PCDH15: variants seen among roughly 807,000 people sequenced by gnomAD.
PCDH15 encodes the protein protocadherin related 15.
Under a neutral mutation model 178.5 loss-of-function variants are expected in PCDH15, and 129 were observed. That is an observed-to-expected ratio of 0.72 (90% CI 0.63 to 0.84). The LOEUF (loss-of-function observed/expected upper bound fraction) is 0.84, where lower values mean the gene tolerates loss of function less well. PCDH15 is among the 40% of genes least tolerant of loss of function. The pLI is 0.00. For synonymous variants in PCDH15, 800 were observed against 732.0 expected, an observed-to-expected ratio of 1.09 and a Z score of -1.50; for missense variants, 2,230 against 2,099.9, an observed-to-expected ratio of 1.06 and a Z score of -1.21.
chr10:54,288,004 T>C (rs528936795), intron 8 of PCDH15, among the ~76,000 whole-genome samples: 2 of 152,048 alleles, frequency 1.3e-5, no homozygotes, highest in Non-Finnish European at 2.9e-5. Flanking sequence ...CCTTTTGGAA[T>C]AGTTGATGAT....
chr10:55,332,139 T>C (rs1844218762), intron 2 of PCDH15, among the ~76,000 whole-genome samples: 1 of 152,170 alleles, frequency 6.6e-6, no homozygotes, highest in South Asian at 2.1e-4. Flanking sequence ...GGATACTTGT[T>C]TCTCTTATTC....
At chr10:54,117,118 G>T (rs540590051) in intron 15 of PCDH15, among the ~76,000 whole-genome samples, 101 of 152,232 alleles carry the variant, frequency 6.6e-4, no homozygotes, top group African/African-American at 2.3e-3. Flanking sequence ...AGCTGTGCTC[G>T]GTTTGTGCTA....
intron 2 of PCDH15, among the ~76,000 whole-genome samples, chr10:54,586,747 T>C (rs2091495262): frequency 6.6e-6 from 1 of 152,034 alleles, no homozygotes; most frequent in African/African-American, 2.4e-5. Flanking sequence ...TCCCACCTCA[T>C]CCTTCTAAAG....
intron 2 of PCDH15, among the ~76,000 whole-genome samples, chr10:55,616,107 C>A (rs1843468235): frequency 6.6e-6 from 1 of 152,120 alleles, no homozygotes; most frequent in African/African-American, 2.4e-5. Flanking sequence ...TACCATGCAG[C>A]AAAGTTGCTC....
intron 1 of PCDH15, among the ~76,000 whole-genome samples, chr10:54,787,293 A>AAATC (rs1950974439): frequency 6.6e-6 from 1 of 151,994 alleles, no homozygotes; most frequent in Non-Finnish European, 1.5e-5. Context: ...ATTTTTACAA[A>AAATC]AATCATCTTA....
At chr10:54,722,997 G>C (rs55751335) in intron 1 of PCDH15, among the ~76,000 whole-genome samples, 4 of 151,096 alleles carry the variant, frequency 2.6e-5, no homozygotes, top group African/African-American at 7.3e-5. Flanking sequence ...TCAATGCAAT[G>C]CCTATCAATT....
intron 2 of PCDH15, among the ~76,000 whole-genome samples, chr10:54,602,492 T>C (rs1811775345): frequency 6.6e-6 from 1 of 151,972 alleles, no homozygotes; most frequent in African/African-American, 2.4e-5. Context: ...TTTCTTTTTA[T>C]TGTATCATTG....
intron 8 of PCDH15, among the ~76,000 whole-genome samples, chr10:54,245,870 A>C (rs1209160199): frequency 6.6e-6 from 1 of 152,048 alleles, no homozygotes; most frequent in Admixed American, 6.6e-5. Flanking sequence ...AAGGATATTC[A>C]TTGTACAATA....
At chr10:55,434,698 C>G (rs576005344) in intron 2 of PCDH15, among the ~76,000 whole-genome samples, 1 of 151,884 alleles carries the variant, frequency 6.6e-6, no homozygotes, top group Non-Finnish European at 1.5e-5. Flanking sequence ...CTCTGCCTCC[C>G]GAGTTCAAGT....
intron 1 of PCDH15, among the ~76,000 whole-genome samples, chr10:54,713,689 A>C (rs551238504): frequency 6.6e-6 from 1 of 152,230 alleles, no homozygotes; most frequent in African/African-American, 2.4e-5. Flanking sequence ...AGCTCTAAGA[A>C]CATTTTAATA....
intron 10 of PCDH15, among the ~76,000 whole-genome samples, chr10:54,197,443 A>T (rs1255537093): frequency 1.3e-5 from 2 of 152,172 alleles, no homozygotes; most frequent in East Asian, 3.8e-4. Flanking sequence ...ATTTAATAGC[A>T]TATACATTTA....
chr10:55,362,043 A>G (rs1845243203), intron 2 of PCDH15, among the ~76,000 whole-genome samples: 1 of 152,070 alleles, frequency 6.6e-6, no homozygotes, highest in African/African-American at 2.4e-5. Flanking sequence ...TCTTCTGCTC[A>G]CCTTAATAGA....
chr10:54,236,873 T>C lies in PCDH15; in HGVS notation c.935A>G (p.Asn312Ser), dbSNP rs2134388632. The C allele has an allele frequency of 2.5e-6, 4 of 1,613,770 alleles. No individual in the cohort carries two copies. Among genetic ancestry groups the C allele is most frequent in the Non-Finnish European group, 3.4e-6 (4 of 1,179,718 alleles). ...PPIQAIDQDRNIQPPSDRPGI... is the reference protein window; with the variant it reads ...PPIQAIDQDRSIQPPSDRPGI... ...TGGCCTATCTGATGGCGGTTGAATA[T>C]TCCGGTCCTGATCAATGGCTTGGAT... Residue 312 changes from asparagine to serine, a missense_variant, in exon 9 of 38, where the codon AAT becomes AGT. Physicochemically the swap from Asn to Ser is conservative, Grantham distance 46. Transcript: ENST00000644397.
chr10:55,351,352 T>C (rs1017608820), intron 2 of PCDH15, among the ~76,000 whole-genome samples: 10 of 152,062 alleles, frequency 6.6e-5, no homozygotes, highest in Non-Finnish European at 1.3e-4. Context: ...CTCATACTTT[T>C]CAACTGTATT....
intron 1 of PCDH15, among the ~76,000 whole-genome samples, chr10:55,249,047 A>G (rs909222275): frequency 6.6e-6 from 1 of 152,208 alleles, no homozygotes. Context: ...AAAAGTTGTA[A>G]ATCTATAAAA....
chr10:55,047,232 G>T (rs895550370), intron 2 of PCDH15, among the ~76,000 whole-genome samples: 4 of 151,766 alleles, frequency 2.6e-5, no homozygotes, highest in Middle Eastern at 3.2e-3. Context: ...ACATAGCAAA[G>T]ATTCACTCAT....
At chr10:54,093,917 C>T (rs2094647138) in intron 15 of PCDH15, among the ~76,000 whole-genome samples, 1 of 152,048 alleles carries the variant, frequency 6.6e-6, no homozygotes, top group East Asian at 1.9e-4. Context: ...ATATAAATTG[C>T]TTCTTTTTAG....
intron 2 of PCDH15, among the ~76,000 whole-genome samples, chr10:55,069,079 G>A (rs965306933): frequency 9.2e-6 from 1 of 108,656 alleles, no homozygotes; most frequent in African/African-American, 3.5e-5. Flanking sequence ...TTTTTTTTTT[G>A]TATTTTTAGT....
rs909717048 is a variant in PCDH15 at position 54,929,715 on chromosome 10, G to A, written c.-79-32215C>T. 4.6e-5 allele frequency among the ~76,000 whole-genome samples: 7 copies of A among 152,094 alleles called. No homozygotes were observed. The East Asian group carries it at 1.4e-3, about 29-fold the overall frequency. The stretch of plus-strand genomic sequence containing the variant: ...ATTTCACAAACAAGTCTGAGTGTGT[G>A]GCTTTTCTGGAAAATATTAGAAAAT... On this transcript the variant is annotated intron_variant, in intron 2 of 5. Transcript: ENST00000458638.
Sources: gnomAD v4.1 joint callset for allele counts (sites outside exome capture counted in the v4.1 genomes callset) on GRCh38, gnomAD v4.1.1 for gene constraint, MANE v1.5 for transcripts, NCBI Gene and HGNC (gene_info 2026-07-23, HGNC 2026-07-21) for gene names.